ANKRD18B: variants seen among roughly 807,000 people sequenced by gnomAD.
ANKRD18B encodes the protein ankyrin repeat domain 18B, also known as ankyrin repeat domain-containing protein 18B.
ANKRD18B carries 75 observed loss-of-function variants against 111.8 expected under a neutral mutation model. That is an observed-to-expected ratio of 0.67 (90% CI 0.56 to 0.81). The LOEUF (loss-of-function observed/expected upper bound fraction) is 0.81, where lower values mean the gene tolerates loss of function less well. Among genes scored for constraint, ANKRD18B ranks in the 40% least tolerant of loss-of-function variants. The pLI is 0.00. For missense variants in ANKRD18B, 1,038 were observed against 1,225.5 expected, an observed-to-expected ratio of 0.85 and a Z score of 2.28; for synonymous variants, 356 against 417.3, an observed-to-expected ratio of 0.85 and a Z score of 1.79.
Position 33,554,352 on chromosome 9 carries a change from C to T in ANKRD18B, c.2218-1356C>T, listed in dbSNP as rs184969925. Among the ~76,000 whole-genome samples, 405 of 152,238 alleles carry T rather than the reference C, an allele frequency of 2.7e-3. 3 individuals carry two copies. The highest frequency in any genetic ancestry group is 9.2e-3 in the African/African-American group (382 of 41,536). ...ATTCACTATCTACAAAAGTAATCTG[C>T]ACCAAGTAGCAAATGTATAAGTGTG... On this transcript the variant is annotated intron_variant, in intron 12 of 18. Transcript: ENST00000684830.
intron 18 of ANKRD18B, 94 bp from the exon 19 acceptor site, chr9:33,572,222 C>T: frequency 1.1e-6 from 1 of 931,096 alleles, no homozygotes; most frequent in African/African-American, 1.7e-5. Flanking sequence ...TTCTTATTAA[C>T]TCTGATAATG....
intron 16 of ANKRD18B, among the ~76,000 whole-genome samples, chr9:33,568,064 C>T (rs1304983892): frequency 2.0e-5 from 3 of 152,176 alleles, no homozygotes; most frequent in Non-Finnish European, 4.4e-5. Flanking sequence ...CTAGTTCTCC[C>T]CCAGGAGTTG....
intron 15 of ANKRD18B, 142 bp downstream of exon 15, chr9:33,566,642 C>T (rs41316001): frequency 2.4e-5 from 23 of 976,544 alleles, no homozygotes; most frequent in African/African-American, 5.2e-5. Flanking sequence ...AAAAAAGTGA[C>T]GTTTTTTCCT....
chr9:33,550,382 TTAA>T, intron 11 of ANKRD18B, 45 bp from the exon 12 acceptor site: 3 of 1,486,592 alleles, frequency 2.0e-6, no homozygotes, highest in South Asian at 1.4e-5. Flanking sequence ...TTAACATAAT[TTAA>T]TAATAAGGCA....
chr9:33,539,550 T>C (rs1487776436), intron 7 of ANKRD18B, 48 bp downstream of exon 7: 1 of 154,004 alleles, frequency 6.5e-6, no homozygotes, highest in Non-Finnish European at 1.5e-5. Context: ...AGTTCAAATT[T>C]ACTAGTGCAA....
chr9:33,558,273 A>G (rs1316353273), intron 14 of ANKRD18B, 86 bp downstream of exon 14: 149 of 1,440,564 alleles, frequency 1.0e-4, no homozygotes, highest in Non-Finnish European at 1.4e-4. Context: ...AATGTGTGCC[A>G]TGATGGTTTG....
In ANKRD18B at chr9:33,533,176, A is replaced by G. The variant is rs530110331; in HGVS notation, c.496-263A>G. Among the ~76,000 whole-genome samples, 7 of 152,322 alleles carry G rather than the reference A, an allele frequency of 4.6e-5. No homozygotes were observed. The South Asian group carries it at 1.2e-3, about 27-fold the overall frequency. On this transcript the variant is annotated intron_variant, in intron 3 of 18. Transcript: ENST00000684830. ...AAATAATTACAATGGACTGTGCTAA[A>G]TGCTGAGATAGAAGCAAGGATTTTT...
intron 10 of ANKRD18B, 49 bp downstream of exon 10, chr9:33,543,304 C>T (rs1828307783): frequency 6.8e-7 from 1 of 1,461,472 alleles, no homozygotes; most frequent in Non-Finnish European, 9.3e-7. Flanking sequence ...GTTTGTTTTT[C>T]TTTAATAACA....
Position 33,566,295 on chromosome 9 carries a change from A to G in ANKRD18B, c.2537A>G (p.His846Arg), listed in dbSNP as rs1828682256. ...VNLAKDNEVL[H>R]QELLSMGKVQ... Reference sequence around the variant, plus strand: ...TTGGCCAAAGACAATGAAGTTCTTCATCAGGAGTTATTATCTATGGGAAAA... The same window carrying G: ...TTGGCCAAAGACAATGAAGTTCTTCGTCAGGAGTTATTATCTATGGGAAAA... Residue 846 changes from histidine (H) to arginine (R), a missense_variant, in exon 15 of 19, where the codon CAT becomes CGT. Around this residue, in one of 4 missense-constraint regions of ANKRD18B, gnomAD observed 524 missense variants for 677.9 expected, o/e 0.77. Coordinates refer to ENST00000684830, the MANE Select transcript of ANKRD18B (RefSeq NM_001393611.1). 2 of 1,561,086 alleles carry G rather than the reference A, an allele frequency of 1.3e-6. No individual in the cohort carries two copies. The highest frequency in any genetic ancestry group is 3.8e-5 in the Admixed American group (2 of 52,922).
chr9:33,570,223 A>G lies in ANKRD18B; in HGVS notation c.3178-1023A>G, dbSNP rs138497411. 6.6e-5 allele frequency among the ~76,000 whole-genome samples: 10 copies of G among 152,336 alleles called. No individual in the cohort carries two copies. The East Asian group carries it at 1.5e-3, about 24-fold the overall frequency. On this transcript the variant is annotated intron_variant, in intron 17 of 18. Transcript: ENST00000684830. ...AACAGAAACCAAATATCTCATTTGC[A>G]CTCATATGTGGGAGCTACACATTAG...
chr9:33,548,925 C>T (rs1446550980), intron 11 of ANKRD18B, 70 bp downstream of exon 11: 26 of 1,311,596 alleles, frequency 2.0e-5, no homozygotes, highest in South Asian at 1.3e-4. Context: ...ATATGTTGAA[C>T]GTAGTTCAAT....
intron 10 of ANKRD18B, among the ~76,000 whole-genome samples, chr9:33,545,974 A>G (rs1264087707): frequency 6.6e-6 from 1 of 152,194 alleles, no homozygotes. Flanking sequence ...TTGTTCATTC[A>G]TCAACCTAAG....
chr9:33,569,048 C>G (rs1386358016), intron 17 of ANKRD18B, 155 bp downstream of exon 17: 3 of 674,638 alleles, frequency 4.4e-6, no homozygotes, highest in African/African-American at 3.7e-5. Flanking sequence ...GGAAACTTTA[C>G]ATTTTTTAAT....
At position 33,524,612 on chromosome 9, in the gene ANKRD18B, G is replaced by A; in HGVS notation, c.123G>A (p.Ala41=). 6.4e-7 allele frequency: 1 copy of A among 1,551,576 alleles called. No individual in the cohort carries two copies. The highest frequency in any genetic ancestry group is 8.7e-7 in the Non-Finnish European group (1 of 1,146,892). ...RDWELRKIHR[A]AIKGDAAEVE... is the part of the protein sequence containing the mutation. Reference sequence around the variant, plus strand: ...GGGAACTGCGGAAGATCCACAGGGCGGCCATCAAGGGCGACGCCGCAGAGG... The same window carrying A: ...GGGAACTGCGGAAGATCCACAGGGCAGCCATCAAGGGCGACGCCGCAGAGG... Residue 41 remains alanine, a synonymous_variant, in exon 1 of 19, where the codon GCG becomes GCA. Transcript: ENST00000684830.
chr9:33,533,319 T>C (rs917175506), intron 3 of ANKRD18B, 120 bp from the exon 4 acceptor site: 42 of 1,476,142 alleles, frequency 2.8e-5, no homozygotes, highest in Non-Finnish European at 3.7e-5. Flanking sequence ...ACGGGACTGC[T>C]TTGCATTTAC....
chr9:33,573,769 G>A (rs1828819645), downstream of ANKRD18B, among the ~76,000 whole-genome samples: 2 of 145,054 alleles, frequency 1.4e-5, no homozygotes, highest in Non-Finnish European at 3.1e-5. Flanking sequence ...CCTCATCAGT[G>A]GACCATGGTC....
chr9:33,560,113 A>T (rs1828584761), intron 14 of ANKRD18B, among the ~76,000 whole-genome samples: 1 of 152,204 alleles, frequency 6.6e-6, no homozygotes, highest in South Asian at 2.1e-4. Flanking sequence ...GCAGGTATTG[A>T]TGCAGGGCTT....
intron 14 of ANKRD18B, 53 bp downstream of exon 14, chr9:33,558,240 G>A: frequency 4.5e-6 from 7 of 1,541,348 alleles, no homozygotes; most frequent in South Asian, 1.2e-5. Context: ...ATGTGTGAGA[G>A]GTACAGGTTT....
In ANKRD18B at chr9:33,572,744, A is replaced by G. The variant is rs113769757; in HGVS notation, c.*310A>G. Reference sequence around the variant, plus strand: ...CATTTTACACTTTTTATTACCATATATAGTAGGAGACTTAAAGAGTATCTG... The same window carrying G: ...CATTTTACACTTTTTATTACCATATGTAGTAGGAGACTTAAAGAGTATCTG... On this transcript the variant is annotated 3_prime_UTR_variant, in exon 19 of 19. Coordinates refer to ENST00000684830, the MANE Select transcript of ANKRD18B (RefSeq NM_001393611.1). 1 of 1,016,006 alleles carries G rather than the reference A, an allele frequency of 9.8e-7. No individual in the cohort carries two copies. Among genetic ancestry groups the G allele is most frequent in the Non-Finnish European group, 1.2e-6 (1 of 847,430 alleles). The allele number at this position is 1,016,006 out of a possible 1,614,324, so 62.9% of individuals were successfully genotyped here.
Sources: gnomAD v4.1 joint callset for allele counts (sites outside exome capture counted in the v4.1 genomes callset) on GRCh38, gnomAD v4.1.1 for gene constraint, gnomAD v4.1.1 regional missense constraint, MANE v1.5 for transcripts, NCBI Gene and HGNC (gene_info 2026-07-23, HGNC 2026-07-21) for gene names.